The following SRBD1 variants were observed in gnomAD, a reference collection of about 807,000 sequenced individuals.
The protein encoded by SRBD1 is S1 RNA binding domain 1.
A neutral mutation model predicts 115.3 loss-of-function variants in SRBD1; 88 were observed. The observed-to-expected ratio is 0.76, with a 90% CI of 0.64 to 0.91. The LOEUF is 0.91. Ranked by LOEUF, SRBD1 falls within the 40% of genes least tolerant of loss-of-function variation. SRBD1 has a pLI of 0.00. For synonymous variants in SRBD1, 509 were observed against 407.7 expected, an observed-to-expected ratio of 1.25 and a Z score of -2.99; for missense variants, 1,385 against 1,177.4, an observed-to-expected ratio of 1.18 and a Z score of -2.58.
At chr2:45,411,902 G>T (rs947102724) in intron 19 of SRBD1, among the ~76,000 whole-genome samples, 6 of 152,128 alleles carry the variant, frequency 3.9e-5, no homozygotes, top group Admixed American at 3.9e-4. Context: ...CTTGAGTCCA[G>T]GAGTTTGAAA....
chr2:45,424,615 G>A (rs973726695), intron 16 of SRBD1, among the ~76,000 whole-genome samples: 1 of 152,076 alleles, frequency 6.6e-6, no homozygotes, highest in Admixed American at 6.5e-5. Context: ...GTAAAGATAA[G>A]CATTATTTTG....
chr2:45,469,626 A>G (rs918310452), intron 16 of SRBD1, among the ~76,000 whole-genome samples: 4 of 152,210 alleles, frequency 2.6e-5, no homozygotes, highest in African/African-American at 9.6e-5. Context: ...ATTTCAACAT[A>G]GGAAGCATAA....
chr2:45,532,613 T>C (rs1671646372), intron 14 of SRBD1, among the ~76,000 whole-genome samples: 1 of 151,804 alleles, frequency 6.6e-6, no homozygotes, highest in Non-Finnish European at 1.5e-5. Context: ...TATCATAATG[T>C]GAACCCAAAT....
chr2:45,605,459 T>G lies in SRBD1; in HGVS notation c.1-18A>C. On this transcript the variant is annotated intron_variant, in intron 1 of 20. Transcript: ENST00000263736. ...GATGACATCTAGAAGAAACAGAAAATAAAATCAGCAACACTTGAATATTCT... is the reference window on the plus strand; with the variant it reads ...GATGACATCTAGAAGAAACAGAAAAGAAAATCAGCAACACTTGAATATTCT... 3 of 1,607,662 alleles carry G rather than the reference T, an allele frequency of 1.9e-6. No individual in the cohort carries two copies. The highest frequency in any genetic ancestry group is 2.6e-6 in the Non-Finnish European group (3 of 1,175,244).
chr2:45,578,978 G>C (rs971365654), intron 7 of SRBD1, among the ~76,000 whole-genome samples: 1 of 151,930 alleles, frequency 6.6e-6, no homozygotes, highest in African/African-American at 2.4e-5. Context: ...ACATCATGTT[G>C]CACATGTTAA....
At chr2:45,389,884 T>C (rs1666950851) in intron 20 of SRBD1, among the ~76,000 whole-genome samples, 3 of 152,204 alleles carry the variant, frequency 2.0e-5, no homozygotes, top group Non-Finnish European at 4.4e-5. Flanking sequence ...ATTTTCCTCT[T>C]TGTGAAGAGG....
chr2:45,412,095 T>C (rs1056923250), intron 19 of SRBD1, among the ~76,000 whole-genome samples: 27 of 151,882 alleles, frequency 1.8e-4, no homozygotes, highest in Non-Finnish European at 8.8e-5. Flanking sequence ...GACAGAGAGA[T>C]CTTGTCTCAA....
chr2:45,492,604 A>T (rs1386903778), intron 14 of SRBD1, among the ~76,000 whole-genome samples: 2 of 152,090 alleles, frequency 1.3e-5, no homozygotes, highest in Non-Finnish European at 2.9e-5. Context: ...ACACCTGGCT[A>T]ATTTTTTGTA....
chr2:45,392,063 C>G (rs925692685), intron 20 of SRBD1, among the ~76,000 whole-genome samples: 3 of 152,150 alleles, frequency 2.0e-5, no homozygotes, highest in Middle Eastern at 3.4e-3. Context: ...TACTAGGAGG[C>G]TTCTACTCCC....
chr2:45,462,008 G>A (rs946511934), intron 16 of SRBD1, among the ~76,000 whole-genome samples: 1 of 151,924 alleles, frequency 6.6e-6, no homozygotes, highest in Non-Finnish European at 1.5e-5. Flanking sequence ...ACAATAAAAT[G>A]AAGAAAAGAA....
chr2:45,593,881 GA>G (rs1673804033), intron 4 of SRBD1, among the ~76,000 whole-genome samples: 1 of 152,184 alleles, frequency 6.6e-6, no homozygotes. Context: ...GTATGAGACA[GA>G]AGGAGGAATT....
At chr2:45,416,787 G>T (rs893163156) in intron 18 of SRBD1, among the ~76,000 whole-genome samples, 4 of 151,896 alleles carry the variant, frequency 2.6e-5, no homozygotes, top group African/African-American at 9.7e-5. Context: ...TGGTTTGCTT[G>T]TTTTTGAGAC....
intron 14 of SRBD1, among the ~76,000 whole-genome samples, chr2:45,494,887 G>C (rs776959346): frequency 3.3e-5 from 5 of 152,176 alleles, no homozygotes; most frequent in Non-Finnish European, 5.9e-5. Context: ...ATCTGGTGGA[G>C]GACAAGTTAG....
At chr2:45,598,399 G>A (rs1408673597) in intron 4 of SRBD1, among the ~76,000 whole-genome samples, 1 of 152,092 alleles carries the variant, frequency 6.6e-6, no homozygotes, top group African/African-American at 2.4e-5. Context: ...CAGATCACGA[G>A]GCAGGCAGAT....
rs538333343 is a variant in SRBD1 at position 45,548,757 on chromosome 2, T to G, written c.1676-1145A>C. 1.2e-3 allele frequency among the ~76,000 whole-genome samples: 171 copies of G among 147,672 alleles called. 1 individual carries two copies. The highest frequency in any genetic ancestry group is 3.8e-3 in the African/African-American group (154 of 40,586). On this transcript the variant is annotated intron_variant, in intron 12 of 20. Transcript: ENST00000263736. Reference sequence around the variant, plus strand: ...CTGATAAAATATATTTCCCACTGGCTGTAAAATGAACAGCATAAAAAGACA... The same window carrying G: ...CTGATAAAATATATTTCCCACTGGCGGTAAAATGAACAGCATAAAAAGACA...
chr2:45,399,241 A>G (rs1667229267), intron 19 of SRBD1, among the ~76,000 whole-genome samples: 1 of 152,260 alleles, frequency 6.6e-6, no homozygotes, highest in South Asian at 2.1e-4. Context: ...AACAAAGAAT[A>G]ATTTAGAAAA....
chr2:45,548,785 T>C (rs936193282), intron 12 of SRBD1, among the ~76,000 whole-genome samples: 1 of 148,288 alleles, frequency 6.7e-6, no homozygotes. Flanking sequence ...AAAAGACAAC[T>C]AGGATAACAA....
intron 14 of SRBD1, among the ~76,000 whole-genome samples, chr2:45,535,005 T>C (rs1046986132): frequency 1.5e-4 from 23 of 151,996 alleles, no homozygotes; most frequent in African/African-American, 4.6e-4. Context: ...TGTATCCTTA[T>C]TAAAATTCAT....
chr2:45,421,980 G>A (rs1668021501), intron 16 of SRBD1, among the ~76,000 whole-genome samples: 1 of 152,150 alleles, frequency 6.6e-6, no homozygotes, highest in Non-Finnish European at 1.5e-5. Flanking sequence ...CTTTTAAGAA[G>A]CTAGTCTTTT....
Sources: allele counts gnomAD v4.1 joint callset (sites outside exome capture counted in the v4.1 genomes callset), GRCh38; gene constraint gnomAD v4.1.1; transcripts MANE v1.5; gene names NCBI Gene and HGNC (gene_info 2026-07-23, HGNC 2026-07-21).